Variants in ATG9B observed in about 807,000 individuals in gnomAD.
ATG9B encodes autophagy-related protein 9B.
ATG9B carries 92 observed loss-of-function variants against 92.9 expected under a neutral mutation model. The ratio of observed to expected loss-of-function variants is 0.99; its 90% confidence interval spans 0.84 to 1.18. ATG9B has a LOEUF of 1.18. Among genes scored for constraint, ATG9B ranks in the 50% most tolerant of loss-of-function variants. The pLI is 0.00. For synonymous variants in ATG9B, 599 were observed against 551.4 expected, an observed-to-expected ratio of 1.09 and a Z score of -1.21; for missense variants, 1,344 against 1,235.0, an observed-to-expected ratio of 1.09 and a Z score of -1.32.
In ATG9B at chr7:151,018,855, G is replaced by A. The variant is rs1584926379; in HGVS notation, c.1483C>T (p.Leu495=). The change falls in exon 6 of 14, where the codon CTG becomes TTG. Residue 495 remains leucine, a synonymous_variant. Coordinates refer to ENST00000639579, the MANE Select transcript of ATG9B (RefSeq NM_001317056.2). The surrounding 1 kb of genome is among the most constrained non-coding windows in gnomAD (Gnocchi z 4.7). The part of the protein sequence containing the change: ...ARLQLRHFNE[L]PHELRARLAR... ...AGGCGCGCGCGCAGCTCGTGCGGCAGCTCGTTGAAGTGGCGCAGCTGCAAG... is the reference window on the plus strand; with the variant it reads ...AGGCGCGCGCGCAGCTCGTGCGGCAACTCGTTGAAGTGGCGCAGCTGCAAG... 5 of 1,316,056 alleles carry A rather than the reference G, an allele frequency of 3.8e-6. No individual in the cohort carries two copies. The highest frequency in any genetic ancestry group is 4.8e-6 in the Non-Finnish European group (5 of 1,037,142). The allele number at this position is 1,316,056 out of a possible 1,614,324, so 81.5% of individuals were successfully genotyped here.
chr7:151,018,537 G>A lies in ATG9B; in HGVS notation c.1718+83C>T. ...GCTAGAGGGCCCCAGTGGTGGGAGA[G>A]GTAAGGATTCGGGGGGAACCTCACA... On this transcript the variant is annotated intron_variant, in intron 6 of 13. Transcript: ENST00000639579. The surrounding 1 kb of genome is among the most constrained non-coding windows in gnomAD (Gnocchi z 4.7). 1.3e-6 allele frequency: 2 copies of A among 1,527,010 alleles called. No individual in the cohort carries two copies. Among genetic ancestry groups the A allele is most frequent in the East Asian group, 4.7e-5 (2 of 42,244 alleles). 94.6% of individuals were successfully genotyped at this position (1,527,010 alleles called of 1,614,324 possible). A position where few individuals can be genotyped will look rare whatever the true frequency, so the allele number is the denominator to read the frequency against.
chr7:151,024,153 G>A lies in ATG9B; in HGVS notation c.271C>T (p.Leu91Phe), dbSNP rs2117180639. The change falls in exon 1 of 14, where the codon CTC becomes TTC. Residue 91 changes from leucine (L) to phenylalanine (F), a missense_variant. Coordinates refer to ENST00000639579, the MANE Select transcript of ATG9B (RefSeq NM_001317056.2). ...TGASQSCHSA[L>F]PIPATPPTQA... ...GTTGGGGGGGTGGCTGGGATAGGGA[G>A]AGCACTGTGGCAAGACTGAGAAGCC... The A allele has an allele frequency of 1.9e-6, 3 of 1,569,972 alleles. No homozygotes were observed. Among genetic ancestry groups the A allele is most frequent in the South Asian group, 1.2e-5 (1 of 83,010 alleles).
chr7:151,019,174 A>G lies in ATG9B; in HGVS notation c.1164T>C (p.Ser388=), dbSNP rs1427674169. The change falls in exon 6 of 14, where the codon AGT becomes AGC. Residue 388 remains serine, a synonymous_variant. Transcript: ENST00000639579. ...PARCPLPWGG[S]AAFLSRGLAL... is the part of the protein sequence containing the mutation. ...CCAGGCCGCGGCTGAGGAAAGCCGC[A>G]CTGCCTCCCCAGGGCAGCGGGCAGC... 5.0e-5 allele frequency: 77 copies of G among 1,536,794 alleles called. No homozygotes were observed. The highest frequency in any genetic ancestry group is 6.6e-5 in the Non-Finnish European group (76 of 1,146,650).
Position 151,017,046 on chromosome 7 carries a change from G to A in ATG9B, c.2279C>T (p.Thr760Ile), listed in dbSNP as rs1407653633. The change falls in exon 9 of 14, where the codon ACC becomes ATC. Residue 760 changes from threonine (T) to isoleucine (I), a missense_variant. Transcript: ENST00000639579. The stretch of plus-strand genomic sequence containing the variant: ...AGGCTTGGGACTCACCAGGGGCGAG[G>A]TGCAGTTGCTGAGCACCCCCGGGGT... The part of the protein sequence containing the change: ...PSTPGVLSNC[T>I]SPLPEAFLAN... The A allele has an allele frequency of 3.8e-6, 6 of 1,592,202 alleles. No homozygotes were observed. Among genetic ancestry groups the A allele is most frequent in the African/African-American group, 1.3e-5 (1 of 74,492 alleles).
At chr7:151,014,428 C>G, downstream of ATG9B, 1 of 465,842 alleles carries the variant, frequency 2.1e-6, no homozygotes, top group African/African-American at 2.0e-5. Flanking sequence ...TACTGCCACC[C>G]GCTTCCTGTT....
At chr7:151,021,618 C>T (rs1260608111) in intron 4 of ATG9B, among the ~76,000 whole-genome samples, 2 of 151,936 alleles carry the variant, frequency 1.3e-5, no homozygotes, top group Non-Finnish European at 2.9e-5. Context: ...TGTCACATCA[C>T]ACTGACAGCT....
At position 151,024,043 on chromosome 7, in the gene ATG9B, G is replaced by A; in HGVS notation, c.381C>T (p.Pro127=). ...HSTPPLAPAT[P]TPSQQCPQDS... is the part of the protein sequence containing the mutation. ...CCTGGGGGCACTGCTGTGAGGGAGT[G>A]GGGGTTGCCGGGGCCAGGGGTGGGG... is the stretch of plus-strand genomic sequence containing the variant. Residue 127 remains proline (P), a synonymous_variant, in exon 1 of 14, where the codon CCC becomes CCT. Transcript: ENST00000639579. The A allele has an allele frequency of 6.3e-7, 1 of 1,587,794 alleles. No individual in the cohort carries two copies. The highest frequency in any genetic ancestry group is 8.6e-7 in the Non-Finnish European group (1 of 1,167,110).
intron 4 of ATG9B, 106 bp downstream of exon 4, chr7:151,022,939 C>A: frequency 6.8e-7 from 1 of 1,473,224 alleles, no homozygotes; most frequent in Non-Finnish European, 9.3e-7. Flanking sequence ...AGACCAAAAG[C>A]TTTGAGAACT....
At position 151,018,072 on chromosome 7, in the gene ATG9B, T is replaced by C. The variant is rs1272026627; in HGVS notation, c.1873-22A>G. 4 of 1,556,512 alleles carry C rather than the reference T, an allele frequency of 2.6e-6. No individual in the cohort carries two copies. The highest frequency in any genetic ancestry group is 3.5e-6 in the Non-Finnish European group (4 of 1,150,124). ...AGACCTGGGGAAGCAGCGGTGAGGCTGAGCAGGGGTCGCTGAGGGGCCCAC... is the reference window on the plus strand; with the variant it reads ...AGACCTGGGGAAGCAGCGGTGAGGCCGAGCAGGGGTCGCTGAGGGGCCCAC... On this transcript the variant is annotated intron_variant, in intron 7 of 13. Transcript: ENST00000639579. This position sits in a 1 kb window ranked among gnomAD's most constrained non-coding sequence, Gnocchi z 4.7.
In ATG9B at chr7:151,018,868, G is replaced by A; in HGVS notation, c.1470C>T (p.Arg490=). Residue 490 remains arginine, a synonymous_variant, in exon 6 of 14, where the codon CGC becomes CGT. Coordinates refer to ENST00000639579, the MANE Select transcript of ATG9B (RefSeq NM_001317056.2). This position sits in a 1 kb window ranked among gnomAD's most constrained non-coding sequence, Gnocchi z 4.7. ...GWSRLARLQL[R]HFNELPHELR... is the part of the protein sequence containing the mutation. ...GCTCGTGCGGCAGCTCGTTGAAGTG[G>A]CGCAGCTGCAAGCGCGCCAGGCGGG... 1 of 1,364,202 alleles carries A rather than the reference G, an allele frequency of 7.3e-7. No homozygotes were observed. The highest frequency in any genetic ancestry group is 1.7e-5 in the South Asian group (1 of 57,434). The allele number at this position is 1,364,202 out of a possible 1,614,324, so 84.5% of individuals were successfully genotyped here. A position where few individuals can be genotyped will look rare whatever the true frequency, so the allele number is the denominator to read the frequency against.
chr7:151,023,343 A>T lies in ATG9B; in HGVS notation c.659+102T>A, dbSNP rs912045465. 40 of 1,597,620 alleles carry T rather than the reference A, an allele frequency of 2.5e-5. No homozygotes were observed. The African/African-American group carries it at 4.7e-4, about 19-fold the overall frequency. ...TGCTGAGCCCTTGGGCTGCTCGGGA[A>T]AGCATGGGATGGAAGCAGCTGGCAC... On this transcript the variant is annotated intron_variant, in intron 3 of 13. Transcript: ENST00000639579.
downstream of ATG9B, chr7:151,014,228 C>G (rs1584916494): frequency 1.3e-6 from 2 of 1,505,412 alleles, no homozygotes; most frequent in Non-Finnish European, 9.0e-7. Context: ...CAGGTCCGCC[C>G]GACCAGGATC....
At chr7:151,022,433 G>C (rs992144569) in intron 4 of ATG9B, among the ~76,000 whole-genome samples, 14 of 149,252 alleles carry the variant, frequency 9.4e-5, no homozygotes, top group African/African-American at 3.4e-4. Context: ...ACTATGCCCG[G>C]CCTAATTTTA....
At position 151,018,798 on chromosome 7, in the gene ATG9B, G is replaced by C; in HGVS notation, c.1540C>G (p.Leu514Val). ...GGCGCGGGGGGCGCAGCGGTGCGCA[G>C]GAAGGCGGCGGCGGGGCGGTAGGCG... ...ARAYRPAAAF[L>V]RTAAPPAPLR... The change falls in exon 6 of 14, where the codon CTG becomes GTG. Residue 514 changes from leucine (L) to valine (V), a missense_variant. Transcript: ENST00000639579. This position sits in a 1 kb window ranked among gnomAD's most constrained non-coding sequence, Gnocchi z 4.7. 4 of 1,317,774 alleles carry C rather than the reference G, an allele frequency of 3.0e-6. No homozygotes were observed. Among genetic ancestry groups the C allele is most frequent in the Non-Finnish European group, 3.9e-6 (4 of 1,037,262 alleles). 81.6% of individuals were successfully genotyped at this position (1,317,774 alleles called of 1,614,324 possible). A position where few individuals can be genotyped will look rare whatever the true frequency, so the allele number is the denominator to read the frequency against.
At position 151,019,082 on chromosome 7, in the gene ATG9B, G is replaced by C. The variant is rs1185378524; in HGVS notation, c.1256C>G (p.Pro419Arg). The C allele has an allele frequency of 6.5e-7, 1 of 1,535,992 alleles. No homozygotes were observed. The change falls in exon 6 of 14, where the codon CCG becomes CGG. Residue 419 changes from proline to arginine, a missense_variant. Physicochemically the swap from Pro to Arg is moderately radical, Grantham distance 103 (BLOSUM62 -2). Coordinates refer to ENST00000639579, the MANE Select transcript of ATG9B (RefSeq NM_001317056.2). Reference protein sequence around the residue: ...FSLFRGGWELPHAYKRSDQRG... With the variant: ...FSLFRGGWELRHAYKRSDQRG... ...CTGGTCGCTGCGCTTGTAGGCGTGC[G>C]GCAGCTCCCAGCCCCCGCGGAAGAG...
In ATG9B at chr7:151,018,648, C is replaced by T; in HGVS notation, c.1690G>A (p.Ala564Thr). Residue 564 changes from alanine to threonine, a missense_variant, in exon 6 of 14, where the codon GCG becomes ACG. Physicochemically the swap from Ala to Thr is moderately conservative, Grantham distance 58 (BLOSUM62 0). Transcript: ENST00000639579. This position sits in a 1 kb window ranked among gnomAD's most constrained non-coding sequence, Gnocchi z 4.7. Reference protein sequence around the residue: ...AVEHVLTAMTALGVTATVARS... With the variant: ...AVEHVLTAMTTLGVTATVARS... Reference sequence around the variant, plus strand: ...GCGACGGTGGCGGTGACCCCGAGCGCGGTCATGGCGGTGAGCACGTGCTCC... The same window carrying T: ...GCGACGGTGGCGGTGACCCCGAGCGTGGTCATGGCGGTGAGCACGTGCTCC... The T allele has an allele frequency of 6.2e-7, 1 of 1,606,878 alleles. No individual in the cohort carries two copies. The highest frequency in any genetic ancestry group is 2.2e-5 in the East Asian group (1 of 44,506).
chr7:151,017,058 A>G lies in ATG9B; in HGVS notation c.2267T>C (p.Leu756Pro), dbSNP rs1291799057. 7 of 1,598,414 alleles carry G rather than the reference A, an allele frequency of 4.4e-6. No homozygotes were observed. The highest frequency in any genetic ancestry group is 6.0e-6 in the Non-Finnish European group (7 of 1,173,300). ...SARGPSTPGV[L>P]SNCTSPLPEA... Reference sequence around the variant, plus strand: ...CACCAGGGGCGAGGTGCAGTTGCTGAGCACCCCCGGGGTGGAGGGGCCGCG... The same window carrying G: ...CACCAGGGGCGAGGTGCAGTTGCTGGGCACCCCCGGGGTGGAGGGGCCGCG... The change falls in exon 9 of 14, where the codon CTC becomes CCC. Residue 756 changes from leucine to proline, a missense_variant. Leu to Pro is a moderately conservative substitution (Grantham distance 98, BLOSUM62 -3). Transcript: ENST00000639579.
intron 4 of ATG9B, among the ~76,000 whole-genome samples, 170 bp downstream of exon 4, chr7:151,022,854 TACTTAATACACTTTAAGTACA>T (rs1310663819): frequency 5.3e-5 from 8 of 151,290 alleles, no homozygotes; most frequent in African/African-American, 1.2e-4. Flanking sequence ...AAAAAAGATA[TACTTAATACACTTTAAGTACA>T]ACTTAATACA....
At chr7:151,017,772 A>G (rs1795561903) in intron 8 of ATG9B, 99 bp downstream of exon 8, 3 of 1,370,652 alleles carry the variant, frequency 2.2e-6, no homozygotes, top group Admixed American at 2.8e-5. Flanking sequence ...CGGCACAGGT[A>G]GCAAGCAATG....
Sources: allele counts gnomAD v4.1 joint callset (sites outside exome capture counted in the v4.1 genomes callset), GRCh38; gene constraint gnomAD v4.1.1; non-coding constraint Gnocchi (gnomAD v3.1); transcripts MANE v1.5; gene names NCBI Gene and HGNC (gene_info 2026-07-23, HGNC 2026-07-21).